PLEKHM3: variants seen among roughly 807,000 people sequenced by gnomAD.
PLEKHM3 encodes the protein pleckstrin homology domain containing M3.
Under a neutral mutation model 81.8 loss-of-function variants are expected in PLEKHM3, and 45 were observed. That is an observed-to-expected ratio of 0.55 (90% confidence interval 0.43 to 0.71). PLEKHM3 has a LOEUF of 0.71. Ranked by LOEUF, PLEKHM3 falls within the 30% of genes least tolerant of loss-of-function variation. The pLI is 0.00. For synonymous variants in PLEKHM3, 352 were observed against 356.4 expected, an observed-to-expected ratio of 0.99 and a Z score of 0.14; for missense variants, 788 against 924.3, an observed-to-expected ratio of 0.85 and a Z score of 1.91.
At chr2:207,946,345 T>G in intron 4 of PLEKHM3, 22 bp downstream of exon 4, 1 of 1,603,284 alleles carries the variant, frequency 6.2e-7, no homozygotes, top group Non-Finnish European at 8.5e-7. Context: ...TATTATTAAG[T>G]GAACTGAGTT....
At chr2:207,978,159 G>A (rs567108515) in intron 2 of PLEKHM3, among the ~76,000 whole-genome samples, 4 of 123,538 alleles carry the variant, frequency 3.2e-5, no homozygotes, top group African/African-American at 7.9e-5. Context: ...GGCATGGAAC[G>A]TGCAACATCA....
intron 6 of PLEKHM3, among the ~76,000 whole-genome samples, chr2:207,887,366 AG>A (rs769709131): frequency 1.3e-5 from 2 of 152,240 alleles, no homozygotes; most frequent in Non-Finnish European, 2.9e-5. Context: ...TATTGCCTTT[AG>A]GGCATAGTAC....
At chr2:207,870,619 G>A (rs2092528521) in intron 6 of PLEKHM3, among the ~76,000 whole-genome samples, 1 of 152,176 alleles carries the variant, frequency 6.6e-6, no homozygotes, top group Non-Finnish European at 1.5e-5. Flanking sequence ...TTGTTTCTAG[G>A]GTCATTTCTC....
intron 3 of PLEKHM3, among the ~76,000 whole-genome samples, chr2:207,956,863 C>T (rs149954568): frequency 2.7e-3 from 416 of 151,292 alleles, no homozygotes; most frequent in Non-Finnish European, 4.7e-3. Context: ...AGCTACCATG[C>T]CCAGCTGCAA....
intron 2 of PLEKHM3, among the ~76,000 whole-genome samples, chr2:207,995,093 G>A (rs183620794): frequency 4.6e-5 from 7 of 152,106 alleles, no homozygotes; most frequent in Admixed American, 2.6e-4. Context: ...CATCAGGGTC[G>A]GTTCACTTCA....
intron 7 of PLEKHM3, among the ~76,000 whole-genome samples, chr2:207,835,237 C>T (rs1330403695): frequency 6.6e-6 from 1 of 152,128 alleles, no homozygotes; most frequent in Non-Finnish European, 1.5e-5. Flanking sequence ...GCCACCGTAC[C>T]CTGCCGGTTT....
At position 207,994,286 on chromosome 2, in the gene PLEKHM3, C is replaced by T. The variant is rs561892076; in HGVS notation, c.610+6744G>A. Among the ~76,000 whole-genome samples, 15 of 152,228 alleles carry T rather than the reference C, an allele frequency of 9.9e-5. No individual in the cohort carries two copies. The South Asian group carries it at 3.1e-3, about 32-fold the overall frequency. On this transcript the variant is annotated intron_variant, in intron 2 of 7. Transcript: ENST00000427836. ...GACTTTTTATGTTCTTACCTTATGA[C>T]ACATTTATGTTTAGATTGTAATTCT... is the stretch of plus-strand genomic sequence containing the variant.
At chr2:207,967,301 T>C (rs981741920) in intron 3 of PLEKHM3, among the ~76,000 whole-genome samples, 2 of 152,204 alleles carry the variant, frequency 1.3e-5, no homozygotes, top group Non-Finnish European at 2.9e-5. Flanking sequence ...ATCTTGTAAA[T>C]GGTTTTCATG....
intron 2 of PLEKHM3, among the ~76,000 whole-genome samples, 165 bp from the exon 3 acceptor site, chr2:207,977,751 T>C (rs1287901196): frequency 3.9e-5 from 6 of 152,196 alleles, no homozygotes; most frequent in Non-Finnish European, 4.4e-5. Context: ...CGATGGTACC[T>C]AACTGGCAAG....
At chr2:207,884,929 G>T (rs1449755189) in intron 6 of PLEKHM3, among the ~76,000 whole-genome samples, 1 of 152,152 alleles carries the variant, frequency 6.6e-6, no homozygotes, top group Non-Finnish European at 1.5e-5. Context: ...TGAACACGGG[G>T]CCTAGAGTAA....
At chr2:207,985,831 CA>C (rs949185461) in intron 2 of PLEKHM3, among the ~76,000 whole-genome samples, 18 of 151,142 alleles carry the variant, frequency 1.2e-4, no homozygotes, top group African/African-American at 4.4e-4. Context: ...CTAAAAATAC[CA>C]AAAAAATTAG....
intron 5 of PLEKHM3, among the ~76,000 whole-genome samples, chr2:207,930,588 C>G (rs375057897): frequency 4.6e-5 from 7 of 152,048 alleles, no homozygotes; most frequent in Non-Finnish European, 1.0e-4. Context: ...GTATAAAATA[C>G]TACATAAGTG....
At chr2:207,882,923 A>C (rs1687746738) in intron 6 of PLEKHM3, among the ~76,000 whole-genome samples, 1 of 151,504 alleles carries the variant, frequency 6.6e-6, no homozygotes, top group South Asian at 2.1e-4. Flanking sequence ...TAATTTTTGT[A>C]TTTTAGTAGA....
At chr2:207,871,089 T>A (rs191353635) in intron 6 of PLEKHM3, among the ~76,000 whole-genome samples, 1 of 152,322 alleles carries the variant, frequency 6.6e-6, no homozygotes, top group Non-Finnish European at 1.5e-5. Flanking sequence ...TGCTCTAGCC[T>A]GGGTGACAGG....
chr2:207,860,955 G>A (rs1156899448), intron 7 of PLEKHM3, 150 bp downstream of exon 7: 5 of 876,790 alleles, frequency 5.7e-6, no homozygotes, highest in Admixed American at 5.7e-5. Flanking sequence ...GGAAACCAAA[G>A]GGGGAAACAT....
At chr2:207,851,990 A>G (rs1368630660) in intron 7 of PLEKHM3, among the ~76,000 whole-genome samples, 1 of 152,118 alleles carries the variant, frequency 6.6e-6, no homozygotes, top group Admixed American at 6.5e-5. Context: ...CATTTTACAG[A>G]AGAAAGGCAT....
intron 1 of PLEKHM3, among the ~76,000 whole-genome samples, chr2:208,011,785 CTTTTTTTTTTTTTTTT>C (rs1177948830): frequency 1.3e-5 from 1 of 79,992 alleles, no homozygotes; most frequent in African/African-American, 6.0e-5. Context: ...CTCTGATAAA[CTTTTTTTTTTTTTTTT>C]TTTTTTTTTT....
At chr2:207,967,577 T>C (rs1033139011) in intron 3 of PLEKHM3, among the ~76,000 whole-genome samples, 1 of 152,244 alleles carries the variant, frequency 6.6e-6, no homozygotes, top group Non-Finnish European at 1.5e-5. Context: ...AGTATGCCTA[T>C]AGTATCTTTA....
At chr2:208,016,562 C>T (rs1182634553) in intron 1 of PLEKHM3, among the ~76,000 whole-genome samples, 2 of 149,548 alleles carry the variant, frequency 1.3e-5, no homozygotes, top group Non-Finnish European at 3.0e-5. Context: ...GGTGGGAGAA[C>T]TGCTGGAGCC....
Sources: gnomAD v4.1 joint callset for allele counts (sites outside exome capture counted in the v4.1 genomes callset) on GRCh38, gnomAD v4.1.1 for gene constraint, MANE v1.5 for transcripts, NCBI Gene and HGNC (gene_info 2026-07-23, HGNC 2026-07-21) for gene names.